Variants in MCTP2 observed in about 807,000 individuals in gnomAD.
MCTP2 encodes multiple C2 and transmembrane domain containing 2, also known as multiple C2 and transmembrane domain-containing protein 2.
A neutral mutation model predicts 111.6 loss-of-function variants in MCTP2; 132 were observed. That is an observed-to-expected ratio of 1.18 (90% CI 1.03 to 1.37). The LOEUF is 1.37. MCTP2 is among the 40% of genes most tolerant of loss of function. MCTP2 has a pLI of 0.00. For missense variants in MCTP2, 1,183 were observed against 1,067.9 expected (o/e 1.11, Z -1.50); for synonymous variants, 395 against 387.7 (o/e 1.02, Z -0.22).
intron 12 of MCTP2, among the ~76,000 whole-genome samples, chr15:94,373,311 G>C (rs1157088516): frequency 6.6e-6 from 1 of 152,082 alleles, no homozygotes; most frequent in Non-Finnish European, 1.5e-5. Context: ...TAGTATTTTA[G>C]AACATTAGAA....
intron 4 of MCTP2, among the ~76,000 whole-genome samples, chr15:94,333,534 A>G (rs1038934746): frequency 1.3e-5 from 2 of 152,116 alleles, no homozygotes; most frequent in Admixed American, 6.5e-5. Context: ...TGAGCTGTTC[A>G]ATGTGATATT....
rs67774490 is a variant in MCTP2, at chr15:94,361,084, GTTTTTTT to G, written c.1301+2499_1301+2505del. Among the ~76,000 whole-genome samples the G allele has an allele frequency of 8.6e-3, 72 of 8,418 alleles. 1 individual carries two copies. Among genetic ancestry groups the G allele is most frequent in the African/African-American group, 0.017 (56 of 3,222 alleles). 5.5% of individuals were successfully genotyped at this position (8,418 alleles called of 152,430 possible). A position where few individuals can be genotyped will look rare whatever the true frequency, so the allele number is the denominator to read the frequency against. On this transcript the variant is annotated intron_variant, in intron 10 of 22. Coordinates refer to ENST00000357742, the MANE Select transcript of MCTP2 (RefSeq NM_001385001.1). ...CCTGGCTATTGTTTAAATATTTCAAGTTTTTTTTTTTTTTTTTTTTTTTTTTTTTTTT... is the reference window on the plus strand; with the variant it reads ...CCTGGCTATTGTTTAAATATTTCAAGTTTTTTTTTTTTTTTTTTTTTTTTT...
chr15:94,454,521 C>T (rs899615945), intron 19 of MCTP2, among the ~76,000 whole-genome samples: 5 of 151,914 alleles, frequency 3.3e-5, no homozygotes, highest in East Asian at 1.9e-4. Flanking sequence ...CTTCTTTACC[C>T]GTCATCATTT....
intron 4 of MCTP2, among the ~76,000 whole-genome samples, chr15:94,316,950 T>A (rs2076402801): frequency 6.6e-6 from 1 of 152,166 alleles, no homozygotes. Flanking sequence ...GTCTTCTATG[T>A]CTCTTAGGTT....
At chr15:94,413,053 TG>T (rs1283798934) in intron 17 of MCTP2, among the ~76,000 whole-genome samples, 3 of 152,070 alleles carry the variant, frequency 2.0e-5, no homozygotes, top group African/African-American at 7.2e-5. Flanking sequence ...AAAACAGGGT[TG>T]GGGAATAAGA....
At chr15:94,393,693 A>G (rs1210622109) in intron 14 of MCTP2, among the ~76,000 whole-genome samples, 2 of 152,220 alleles carry the variant, frequency 1.3e-5, no homozygotes, top group African/African-American at 4.8e-5. Context: ...TATCACTAGT[A>G]CAGTATATAC....
chr15:94,391,641 C>T (rs2080984669), intron 14 of MCTP2, among the ~76,000 whole-genome samples: 1 of 152,194 alleles, frequency 6.6e-6, no homozygotes, highest in African/African-American at 2.4e-5. Flanking sequence ...TCATTGTCTA[C>T]TCCTGGTCCA....
chr15:94,270,553 T>TC lies in MCTP2; in HGVS notation c.-65-27643dup, dbSNP rs139467027. Among the ~76,000 whole-genome samples, 695 of 152,112 alleles carry TC rather than the reference T, an allele frequency of 4.6e-3. 4 individuals are homozygous for TC. Among genetic ancestry groups the TC allele is most frequent in the African/African-American group, 0.016 (652 of 41,490 alleles). Reference sequence around the variant, plus strand: ...CCCCTTTGAGGTCATCTCCTGGTGGTCCCCCTCTCTGGCTCTCTTCCAACC... The same window carrying TC: ...CCCCTTTGAGGTCATCTCCTGGTGGTCCCCCCTCTCTGGCTCTCTTCCAACC... On this transcript the variant is annotated intron_variant, in intron 1 of 22. Transcript: ENST00000357742.
intron 4 of MCTP2, among the ~76,000 whole-genome samples, chr15:94,332,278 A>AT (rs2077166641): frequency 6.6e-6 from 1 of 152,054 alleles, no homozygotes; most frequent in Non-Finnish European, 1.5e-5. Context: ...TTTTATTTTT[A>AT]TTTTTTCTGG....
At chr15:94,263,510 A>C (rs1444328435) in intron 1 of MCTP2, among the ~76,000 whole-genome samples, 1 of 152,214 alleles carries the variant, frequency 6.6e-6, no homozygotes, top group African/African-American at 2.4e-5. Context: ...CAACAGCATT[A>C]TGACTTACGC....
At chr15:94,443,981 CAAAAAAA>C (rs58768404) in intron 19 of MCTP2, among the ~76,000 whole-genome samples, 16 of 69,406 alleles carry the variant, frequency 2.3e-4, no homozygotes, top group African/African-American at 4.3e-4. Flanking sequence ...GATATTTTAC[CAAAAAAA>C]AAAAAAAAAA....
chr15:94,345,753 C>T (rs1031973534), intron 8 of MCTP2, among the ~76,000 whole-genome samples: 5 of 152,102 alleles, frequency 3.3e-5, no homozygotes, highest in African/African-American at 1.2e-4. Flanking sequence ...CCAGTTGTAA[C>T]ATAAATGACT....
At chr15:94,232,016 C>T (rs977627152) in intron 1 of MCTP2, 2 of 152,220 alleles carry the variant, frequency 1.3e-5, no homozygotes, top group Non-Finnish European at 2.9e-5. Flanking sequence ...GTCAGTTCCT[C>T]AGCTGGGTGG....
intron 13 of MCTP2, among the ~76,000 whole-genome samples, chr15:94,384,769 TAG>T (rs1392571544): frequency 1.3e-5 from 2 of 152,156 alleles, no homozygotes; most frequent in African/African-American, 4.8e-5. Context: ...TCATTTTGAG[TAG>T]AGTTAATGCT....
chr15:94,244,450 ATATG>A (rs1266645800), intron 1 of MCTP2, among the ~76,000 whole-genome samples: 2 of 149,338 alleles, frequency 1.3e-5, no homozygotes, highest in African/African-American at 2.5e-5. Context: ...TTATATACGT[ATATG>A]TATACACATA....
intron 12 of MCTP2, among the ~76,000 whole-genome samples, chr15:94,381,973 C>A (rs1035770438): frequency 1.3e-5 from 2 of 152,178 alleles, no homozygotes; most frequent in African/African-American, 4.8e-5. Flanking sequence ...AATCATTTCC[C>A]ATTGTATATT....
chr15:94,340,149 CAGTT>C, intron 5 of MCTP2, 46 bp from the exon 6 acceptor site: 1 of 1,267,250 alleles, frequency 7.9e-7, no homozygotes, highest in Non-Finnish European at 1.1e-6. Context: ...TTGAAAAACT[CAGTT>C]GGTTTACCAT....
At position 94,479,174 on chromosome 15, in the gene MCTP2, C is replaced by T; in HGVS notation, c.*140C>T. ...ACCCTCTGTATACTTCCTCCTCCTT[C>T]ACGTGCACAGACATACACACATGTG... On this transcript the variant is annotated 3_prime_UTR_variant, in exon 23 of 23. Coordinates refer to ENST00000357742, the MANE Select transcript of MCTP2 (RefSeq NM_001385001.1). 1 of 771,140 alleles carries T rather than the reference C, an allele frequency of 1.3e-6. No homozygotes were observed. Among genetic ancestry groups the T allele is most frequent in the Non-Finnish European group, 2.3e-6 (1 of 444,150 alleles). 47.8% of individuals were successfully genotyped at this position (771,140 alleles called of 1,614,324 possible). A position where few individuals can be genotyped will look rare whatever the true frequency, so the allele number is the denominator to read the frequency against.
chr15:94,399,983 G>A lies in MCTP2; in HGVS notation c.1953G>A (p.Lys651=). The A allele has an allele frequency of 6.2e-7, 1 of 1,613,972 alleles. No individual in the cohort carries two copies. Among genetic ancestry groups the A allele is most frequent in the Non-Finnish European group, 8.5e-7 (1 of 1,179,864 alleles). ...REKRFVEDSR[K]LSKKILSRDV... is the part of the protein sequence containing the mutation. The stretch of plus-strand genomic sequence containing the variant: ...AGCGCTTTGTTGAAGACAGCCGCAA[G>A]CTGTCCAAAAAGGTGGGTCGCTACA... Residue 651 remains lysine, a synonymous_variant, in exon 16 of 23, where the codon AAG becomes AAA. Coordinates refer to ENST00000357742, the MANE Select transcript of MCTP2 (RefSeq NM_001385001.1).
Sources: allele counts gnomAD v4.1 joint callset (sites outside exome capture counted in the v4.1 genomes callset), GRCh38; gene constraint gnomAD v4.1.1; transcripts MANE v1.5; gene names NCBI Gene and HGNC (gene_info 2026-07-23, HGNC 2026-07-21).